The following MAST4 variants were observed in gnomAD, a reference collection of about 807,000 sequenced individuals.
The protein encoded by MAST4 is microtubule associated serine/threonine kinase family member 4.
MAST4 carries 89 observed loss-of-function variants against 162.7 expected under a neutral mutation model. The ratio of observed to expected loss-of-function variants is 0.55; its 90% CI spans 0.46 to 0.65. MAST4 has a LOEUF of 0.65. MAST4 is among the 30% of genes least tolerant of loss of function. The probability of loss-of-function intolerance (pLI) is 0.00; values close to 1 mark genes in which losing one functional copy is unlikely to be tolerated. For missense variants in MAST4, 3,153 were observed against 3,374.0 expected (o/e 0.93, Z 1.62); for synonymous variants, 1,479 against 1,361.1 (o/e 1.09, Z -1.91).
At chr5:66,996,825 C>T (rs1750703213) in intron 4 of MAST4, among the ~76,000 whole-genome samples, 2 of 152,202 alleles carry the variant, frequency 1.3e-5, no homozygotes, top group Non-Finnish European at 2.9e-5. Flanking sequence ...ACCAACTCCT[C>T]ATCTCAAGAT....
chr5:66,616,754 G>A (rs1015453169), intron 1 of MAST4, among the ~76,000 whole-genome samples: 7 of 152,156 alleles, frequency 4.6e-5, no homozygotes, highest in Admixed American at 2.0e-4. Flanking sequence ...TTCTGAATAG[G>A]CACACATTTC....
chr5:66,684,382 T>C (rs1180442554), intron 1 of MAST4, among the ~76,000 whole-genome samples: 4 of 152,222 alleles, frequency 2.6e-5, no homozygotes, highest in Admixed American at 2.0e-4. Context: ...TTCTTTTTTA[T>C]GTTCTATTCT....
intron 3 of MAST4, among the ~76,000 whole-genome samples, chr5:66,842,401 G>A (rs55939740): frequency 0.25 from 37,605 of 152,008 alleles, 5,752 homozygotes; most frequent in Non-Finnish European, 0.35. Flanking sequence ...ATGTTTTGAT[G>A]TGTTGGCTTT....
chr5:67,164,505 G>T lies in MAST4; in HGVS notation c.5326G>T (p.Ala1776Ser), dbSNP rs1773631284. The T allele has an allele frequency of 1.2e-6, 2 of 1,613,996 alleles. No homozygotes were observed. The change falls in exon 29 of 29, where the codon GCT becomes TCT. Residue 1776 changes from alanine (A) to serine (S), a missense_variant. Around this residue, in one of 7 missense-constraint regions of MAST4, gnomAD observed 1,644 missense variants for 1,495.0 expected, o/e 1.10. Transcript: ENST00000403625. The surrounding 1 kb of genome is among the most constrained non-coding windows in gnomAD (Gnocchi z 5.3). The part of the protein sequence containing the change: ...DSGTEKPGLV[A>S]PESPVRKSPS... ...TGGAACGGAGAAGCCTGGCTTGGTT[G>T]CTCCTGAGTCCCCTGTTAGGAAGAG...
At chr5:66,598,152 G>A (rs1241712694) in intron 1 of MAST4, among the ~76,000 whole-genome samples, 1 of 152,182 alleles carries the variant, frequency 6.6e-6, no homozygotes, top group African/African-American at 2.4e-5. Context: ...GAGGAGGCGA[G>A]TCCTAGCTTG....
rs571752894 is a variant in MAST4 at position 66,984,857 on chromosome 5, T to C, written c.675-69547T>C. Among the ~76,000 whole-genome samples, 451 of 152,148 alleles carry C rather than the reference T, an allele frequency of 3.0e-3. 3 individuals are homozygous for C. Among genetic ancestry groups the C allele is most frequent in the Middle Eastern group, 6.8e-3 (2 of 294 alleles). The stretch of plus-strand genomic sequence containing the variant: ...AAGATCACGGTTCTGTTTACACAGG[T>C]GGGGAAGACTTGAGAGGGCGGGGAG... On this transcript the variant is annotated intron_variant, in intron 4 of 28. Coordinates refer to ENST00000403625, the MANE Select transcript of MAST4 (RefSeq NM_001164664.2).
chr5:66,802,604 T>C (rs1038999294), intron 3 of MAST4, among the ~76,000 whole-genome samples: 11 of 152,336 alleles, frequency 7.2e-5, no homozygotes, highest in African/African-American at 2.6e-4. Flanking sequence ...TGTAGGTCTT[T>C]AGAGTTTAGA....
At position 66,890,600 on chromosome 5, in the gene MAST4, A is replaced by C. The variant is rs553311885; in HGVS notation, c.643-9351A>C. On this transcript the variant is annotated intron_variant, in intron 3 of 28. Coordinates refer to ENST00000403625, the MANE Select transcript of MAST4 (RefSeq NM_001164664.2). ...AAAATCAGAGTCTCTAAAAAGTGTG[A>C]AATTTGCTTAGAAAGAGTTGCCAAG... 3.9e-5 allele frequency among the ~76,000 whole-genome samples: 6 copies of C among 152,330 alleles called. No individual in the cohort carries two copies. In the East Asian group the frequency reaches 1.2e-3, roughly 29 times the overall value.
Position 66,818,204 on chromosome 5 carries a change from A to G in MAST4, c.642+29410A>G, listed in dbSNP as rs765921051. ...TCCAGATGTTCTACCATAGACATCT[A>G]TTACTTTTATAATTTTAAAATGTTA... is the stretch of plus-strand genomic sequence containing the variant. On this transcript the variant is annotated intron_variant, in intron 3 of 28. Coordinates refer to ENST00000403625, the MANE Select transcript of MAST4 (RefSeq NM_001164664.2). Among the ~76,000 whole-genome samples the G allele has an allele frequency of 1.3e-3, 191 of 152,280 alleles. 4 individuals are homozygous for G. The highest frequency in any genetic ancestry group is 2.6e-4 in the Non-Finnish European group (18 of 68,008).
chr5:66,848,691 G>A (rs13153999), intron 3 of MAST4, among the ~76,000 whole-genome samples: 39,581 of 152,006 alleles, frequency 0.26, 5,741 homozygotes, highest in Admixed American at 0.32. Flanking sequence ...AGAAAATCCC[G>A]CCTAGTGATT....
chr5:67,153,625 C>A (rs776531201), intron 26 of MAST4, 45 bp downstream of exon 26: 12 of 1,523,716 alleles, frequency 7.9e-6, no homozygotes, highest in Non-Finnish European at 1.1e-5. Flanking sequence ...AGACAGGCAG[C>A]CCAAAGGGGC....
chr5:67,081,899 T>TAATC (rs1762697071), intron 5 of MAST4, among the ~76,000 whole-genome samples: 1 of 152,176 alleles, frequency 6.6e-6, no homozygotes, highest in Non-Finnish European at 1.5e-5. Context: ...TGCCTGGGAT[T>TAATC]AATCACAAAG....
intron 4 of MAST4, among the ~76,000 whole-genome samples, chr5:67,013,513 C>T (rs1436695322): frequency 6.6e-6 from 1 of 152,126 alleles, no homozygotes; most frequent in African/African-American, 2.4e-5. Flanking sequence ...ATGCTTTATT[C>T]TATCTAATTT....
At chr5:66,771,796 T>C (rs1303037375) in intron 2 of MAST4, among the ~76,000 whole-genome samples, 3 of 152,146 alleles carry the variant, frequency 2.0e-5, no homozygotes, top group African/African-American at 7.2e-5. Context: ...GTTGAGCTTT[T>C]TGGATGAGGC....
chr5:67,005,102 C>A (rs767591593), intron 4 of MAST4: 3 of 744,342 alleles, frequency 4.0e-6, no homozygotes, highest in East Asian at 2.5e-5. Context: ...ACGCGGGGAT[C>A]TCTGCCTGGA....
At chr5:66,732,614 G>C (rs1346647820) in intron 1 of MAST4, among the ~76,000 whole-genome samples, 1 of 152,186 alleles carries the variant, frequency 6.6e-6, no homozygotes, top group African/African-American at 2.4e-5. Context: ...TACATCTGGT[G>C]CCTGCGATAT....
intron 4 of MAST4, among the ~76,000 whole-genome samples, chr5:66,907,158 C>CGAGAGAGACA (rs1763408608): frequency 9.6e-6 from 1 of 104,262 alleles, no homozygotes; most frequent in African/African-American, 3.8e-5. Context: ...CTCAGCAAAG[C>CGAGAGAGACA]GAGAGAGAGA....
chr5:67,166,184 A>G lies in MAST4; in HGVS notation c.7005A>G (p.Lys2335=). Residue 2335 remains lysine, a synonymous_variant, in exon 29 of 29, where the codon AAA becomes AAG. Transcript: ENST00000403625. ...EKQTLSPKHP[K]PSTVKDCPTL... Reference sequence around the variant, plus strand: ...AAACCCTGTCTCCAAAGCACCCCAAACCATCCACTGTGAAAGATTGCCCCA... The same window carrying G: ...AAACCCTGTCTCCAAAGCACCCCAAGCCATCCACTGTGAAAGATTGCCCCA... The G allele has an allele frequency of 6.4e-7, 1 of 1,554,624 alleles. No homozygotes were observed. Among genetic ancestry groups the G allele is most frequent in the Non-Finnish European group, 8.7e-7 (1 of 1,148,700 alleles).
In MAST4 at chr5:67,169,506, C is replaced by T. The variant is rs563291645; in HGVS notation, c.*2455C>T. The T allele has an allele frequency of 7.2e-5, 11 of 152,238 alleles. No homozygotes were observed. The highest frequency in any genetic ancestry group is 2.6e-4 in the African/African-American group (11 of 41,550). The allele number at this position is 152,238 out of a possible 1,614,324, so 9.4% of individuals were successfully genotyped here. ...CAGTCTTATTTTCTCTAAGAAATTCCTTATGGACGTCATAATTGTTGTATA... is the reference window on the plus strand; with the variant it reads ...CAGTCTTATTTTCTCTAAGAAATTCTTTATGGACGTCATAATTGTTGTATA... On this transcript the variant is annotated 3_prime_UTR_variant, in exon 29 of 29. Transcript: ENST00000403625.
Sources: allele counts gnomAD v4.1 joint callset (sites outside exome capture counted in the v4.1 genomes callset), GRCh38; gene constraint gnomAD v4.1.1; regional missense constraint gnomAD v4.1.1; non-coding constraint Gnocchi (gnomAD v3.1); transcripts MANE v1.5; gene names NCBI Gene and HGNC (gene_info 2026-07-23, HGNC 2026-07-21).